Variants in PXK observed in about 807,000 individuals in gnomAD.
PXK encodes the protein PX domain-containing protein kinase-like protein.
PXK carries 35 observed loss-of-function variants against 84.7 expected under a neutral mutation model. The ratio of observed to expected loss-of-function variants is 0.41; its 90% CI spans 0.32 to 0.55. The LOEUF (loss-of-function observed/expected upper bound fraction) is 0.55, where lower values mean the gene tolerates loss of function less well. Among genes scored for constraint, PXK ranks in the 20% least tolerant of loss-of-function variants. The pLI is 0.21. For synonymous variants in PXK, 253 were observed against 260.8 expected (o/e 0.97, Z 0.29); for missense variants, 634 against 699.7 (o/e 0.91, Z 1.06).
chr3:58,372,285 A>G (rs886752822), intron 3 of PXK, among the ~76,000 whole-genome samples: 2 of 152,070 alleles, frequency 1.3e-5, no homozygotes, highest in Non-Finnish European at 2.9e-5. Context: ...ACAAACAAGC[A>G]CATGTAGGCT....
chr3:58,409,419 G>T lies in PXK; in HGVS notation c.1309-113G>T. On this transcript the variant is annotated intron_variant, in intron 14 of 17. Coordinates refer to ENST00000356151, the MANE Select transcript of PXK (RefSeq NM_017771.5). The surrounding 1 kb of genome is among the most constrained non-coding windows in gnomAD (Gnocchi z 4.2). ...CCAGGAAGTAGACAGCCTGAGCAAGGAAAGATTTTCTTTTATCCCAATAAA... is the reference window on the plus strand; with the variant it reads ...CCAGGAAGTAGACAGCCTGAGCAAGTAAAGATTTTCTTTTATCCCAATAAA... The T allele has an allele frequency of 1.0e-6, 1 of 993,138 alleles. No individual in the cohort carries two copies. The highest frequency in any genetic ancestry group is 2.6e-5 in the East Asian group (1 of 39,180). 61.5% of individuals were successfully genotyped at this position (993,138 alleles called of 1,614,324 possible).
intron 17 of PXK, 107 bp from the exon 18 acceptor site, chr3:58,424,645 A>G (rs2107895297): frequency 6.9e-7 from 1 of 1,455,524 alleles, no homozygotes; most frequent in Non-Finnish European, 9.2e-7. Context: ...TCCCTCTGAG[A>G]AAAACATGTG....
Position 58,409,563 on chromosome 3 carries a change from A to G in PXK, c.1340A>G (p.Gln447Arg), listed in dbSNP as rs921123740. The change falls in exon 15 of 18, where the codon CAG (glutamine) becomes CGG (arginine). Residue 447 changes from glutamine (Q) to arginine (R), a missense_variant. Physicochemically the swap from Gln to Arg is conservative, Grantham distance 43. Coordinates refer to ENST00000356151, the MANE Select transcript of PXK (RefSeq NM_017771.5). This position sits in a 1 kb window ranked among gnomAD's most constrained non-coding sequence, Gnocchi z 4.2. Reference sequence around the variant, plus strand: ...CAGCATCGAAGACTGACAAGAGCTCAGTCCCACCATGGATCTGAGGAGGAA... The same window carrying G: ...CAGCATCGAAGACTGACAAGAGCTCGGTCCCACCATGGATCTGAGGAGGAA... ...IHQHRRLTRAQSHHGSEEERK... is the reference protein window; with the variant it reads ...IHQHRRLTRARSHHGSEEERK... 6.2e-7 allele frequency: 1 copy of G among 1,613,654 alleles called. No individual in the cohort carries two copies. The highest frequency in any genetic ancestry group is 1.1e-5 in the South Asian group (1 of 91,056).
intron 3 of PXK, among the ~76,000 whole-genome samples, chr3:58,373,079 A>AT (rs2098399819): frequency 1.5e-5 from 2 of 131,568 alleles, no homozygotes; most frequent in East Asian, 7.5e-4. Flanking sequence ...TGAGTCCGTC[A>AT]TTTCTTTTTT....
At chr3:58,338,119 A>C (rs916427498) in intron 1 of PXK, among the ~76,000 whole-genome samples, 1 of 151,960 alleles carries the variant, frequency 6.6e-6, no homozygotes, top group South Asian at 2.1e-4. Context: ...AGGCAGGCAG[A>C]TCATCTGAGG....
At chr3:58,344,007 C>T (rs1357329785) in intron 1 of PXK, among the ~76,000 whole-genome samples, 1 of 152,176 alleles carries the variant, frequency 6.6e-6, no homozygotes, top group Non-Finnish European at 1.5e-5. Context: ...TATAACCCCC[C>T]TCCCCCAGTC....
At chr3:58,391,940 A>G (rs2098636047) in intron 7 of PXK, 93 bp downstream of exon 7, 14 of 1,160,800 alleles carry the variant, frequency 1.2e-5, no homozygotes, top group Non-Finnish European at 1.3e-5. Flanking sequence ...GGAAAACAGA[A>G]TGGGGAGATA....
At chr3:58,388,618 TG>T in intron 4 of PXK, among the ~76,000 whole-genome samples, 1 of 152,234 alleles carries the variant, frequency 6.6e-6, no homozygotes, top group East Asian at 1.9e-4. Context: ...TGTCACACTC[TG>T]GGGTAGTTAG....
intron 3 of PXK, among the ~76,000 whole-genome samples, chr3:58,374,605 T>C (rs1437402093): frequency 6.6e-6 from 1 of 152,132 alleles, no homozygotes; most frequent in African/African-American, 2.4e-5. Context: ...AGGAAGGTAG[T>C]GAAAGTGAGA....
chr3:58,410,192 A>G (rs1276715506), intron 16 of PXK, 33 bp downstream of exon 16: 3 of 1,487,494 alleles, frequency 2.0e-6, no homozygotes, highest in Admixed American at 1.7e-5. Flanking sequence ...GGGGCCCAGG[A>G]CACAGAGATC....
chr3:58,357,135 C>T (rs1323950206), intron 1 of PXK, among the ~76,000 whole-genome samples: 3 of 151,556 alleles, frequency 2.0e-5, no homozygotes, highest in Admixed American at 6.6e-5. Flanking sequence ...AAAAATTAGC[C>T]GGGCGTGGCG....
At chr3:58,415,498 A>G (rs1161137215) in intron 17 of PXK, among the ~76,000 whole-genome samples, 1 of 152,250 alleles carries the variant, frequency 6.6e-6, no homozygotes, top group African/African-American at 2.4e-5. Flanking sequence ...AGGAGCTTCC[A>G]TGCCTTCCCT....
intron 7 of PXK, among the ~76,000 whole-genome samples, 193 bp from the exon 8 acceptor site, chr3:58,394,805 T>C (rs2057377482): frequency 6.6e-6 from 1 of 152,184 alleles, no homozygotes; most frequent in Non-Finnish European, 1.5e-5. Context: ...TTATGTCCCT[T>C]CCTCCATCTG....
intron 1 of PXK, among the ~76,000 whole-genome samples, chr3:58,346,003 T>C (rs1282644366): frequency 1.3e-5 from 2 of 152,224 alleles, no homozygotes; most frequent in Admixed American, 6.5e-5. Flanking sequence ...CATTAGTTCA[T>C]TCAGCAGATA....
At chr3:58,360,959 G>A (rs948676234) in intron 1 of PXK, among the ~76,000 whole-genome samples, 2 of 151,938 alleles carry the variant, frequency 1.3e-5, no homozygotes, top group Non-Finnish European at 2.9e-5. Flanking sequence ...CTAGGTCTGT[G>A]TTTCATGCTT....
intron 3 of PXK, among the ~76,000 whole-genome samples, chr3:58,373,551 T>G (rs2098407566): frequency 6.6e-6 from 1 of 152,148 alleles, no homozygotes; most frequent in South Asian, 2.1e-4. Flanking sequence ...TGAGACAAAT[T>G]GAGGGTCTGT....
At chr3:58,358,495 C>T (rs2098128089) in intron 1 of PXK, among the ~76,000 whole-genome samples, 2 of 152,162 alleles carry the variant, frequency 1.3e-5, no homozygotes, top group African/African-American at 4.8e-5. Flanking sequence ...CGGTCCAGGG[C>T]AGGTGACAGC....
intron 13 of PXK, among the ~76,000 whole-genome samples, chr3:58,406,921 C>T (rs572356897): frequency 6.6e-6 from 1 of 152,090 alleles, no homozygotes; most frequent in South Asian, 2.1e-4. Context: ...AGTAATATTC[C>T]ATTGTATGTA....
rs759225462 is a variant in PXK, at chr3:58,413,000, T to A, written c.1528+37T>A. The A allele has an allele frequency of 2.5e-6, 4 of 1,606,596 alleles. No homozygotes were observed. The Middle Eastern group carries it at 6.6e-4, about 267-fold the overall frequency. On this transcript the variant is annotated intron_variant, in intron 17 of 17. Transcript: ENST00000356151. The surrounding 1 kb of genome is among the most constrained non-coding windows in gnomAD (Gnocchi z 6.2). ...AGTAAAGTGACATGCCACCTTCCTGTCCGCCAACAGGAGGAGCGGGCTGTG... is the reference window on the plus strand; with the variant it reads ...AGTAAAGTGACATGCCACCTTCCTGACCGCCAACAGGAGGAGCGGGCTGTG...
Sources: allele counts gnomAD v4.1 joint callset (sites outside exome capture counted in the v4.1 genomes callset), GRCh38; gene constraint gnomAD v4.1.1; non-coding constraint Gnocchi (gnomAD v3.1); transcripts MANE v1.5; gene names NCBI Gene and HGNC (gene_info 2026-07-23, HGNC 2026-07-21).